The following KCNAB1 variants were observed in gnomAD, a reference collection of about 807,000 sequenced individuals.
KCNAB1 encodes potassium voltage-gated channel subfamily A regulatory beta subunit 1.
A neutral mutation model predicts 64.6 loss-of-function variants in KCNAB1; 35 were observed. That is an observed-to-expected ratio of 0.54 (90% confidence interval 0.41 to 0.72). The LOEUF (loss-of-function observed/expected upper bound fraction) is 0.72. KCNAB1 is among the 30% of genes least tolerant of loss of function. The pLI, the probability that KCNAB1 is intolerant of heterozygous loss-of-function variation, is 0.00. For synonymous variants in KCNAB1, 177 were observed against 183.8 expected, an observed-to-expected ratio of 0.96 and a Z score of 0.30; for missense variants, 401 against 512.9, an observed-to-expected ratio of 0.78 and a Z score of 2.11.
In KCNAB1 at chr3:156,168,692, C is replaced by A. The variant is rs549080728; in HGVS notation, c.275+47806C>A. Reference sequence around the variant, plus strand: ...TTGCTTTTTGTAACATCAACGTGCACATGAAGCTAGTGATGCTGTTGAGAA... The same window carrying A: ...TTGCTTTTTGTAACATCAACGTGCAAATGAAGCTAGTGATGCTGTTGAGAA... On this transcript the variant is annotated intron_variant, in intron 1 of 13. Coordinates refer to ENST00000490337, the MANE Select transcript of KCNAB1 (RefSeq NM_172160.3). Among the ~76,000 whole-genome samples the A allele has an allele frequency of 2.0e-5, 3 of 152,296 alleles. No homozygotes were observed. In the East Asian group the frequency reaches 5.8e-4, roughly 29 times the overall value.
chr3:156,522,598 T>C (rs528884891), intron 11 of KCNAB1, among the ~76,000 whole-genome samples: 10 of 152,318 alleles, frequency 6.6e-5, no homozygotes, highest in African/African-American at 1.9e-4. Flanking sequence ...GAGACAAAAC[T>C]GGGGCGGCTT....
At chr3:156,511,136 C>T (rs913840455) in intron 8 of KCNAB1, among the ~76,000 whole-genome samples, 1 of 152,166 alleles carries the variant, frequency 6.6e-6, no homozygotes, top group Non-Finnish European at 1.5e-5. Flanking sequence ...CGGAGTCTTG[C>T]TCTGTCCCCC....
intron 1 of KCNAB1, among the ~76,000 whole-genome samples, chr3:156,236,784 G>A (rs1716874007): frequency 6.6e-6 from 1 of 152,058 alleles, no homozygotes; most frequent in South Asian, 2.1e-4. Flanking sequence ...CTGGTTGCTG[G>A]CAGAGACCTG....
intron 12 of KCNAB1, among the ~76,000 whole-genome samples, chr3:156,528,187 A>AAAAAGAG (rs59586180): frequency 1.3e-5 from 2 of 151,152 alleles, no homozygotes; most frequent in South Asian, 2.1e-4. Flanking sequence ...AAAAAAAAAA[A>AAAAAGAG]AGAGAGAGAA....
upstream of KCNAB1, among the ~76,000 whole-genome samples, chr3:156,119,050 C>T (rs1434830202): frequency 6.6e-6 from 1 of 152,182 alleles, no homozygotes; most frequent in Non-Finnish European, 1.5e-5. Flanking sequence ...TTGGTGGTTA[C>T]AGTTCTAACC....
intron 1 of KCNAB1, among the ~76,000 whole-genome samples, chr3:156,332,119 C>G (rs1476907942): frequency 1.3e-5 from 2 of 152,124 alleles, no homozygotes; most frequent in African/African-American, 4.8e-5. Context: ...CAAAAATAAA[C>G]TATGAATAGT....
chr3:156,207,200 A>G (rs2108388241), intron 1 of KCNAB1, among the ~76,000 whole-genome samples: 1 of 152,342 alleles, frequency 6.6e-6, no homozygotes, highest in African/African-American at 2.4e-5. Flanking sequence ...GGGAATCCCC[A>G]GCAGGTGGCA....
At chr3:156,341,500 C>T (rs77159226) in intron 1 of KCNAB1, among the ~76,000 whole-genome samples, 15,245 of 152,176 alleles carry the variant, frequency 0.1, 893 homozygotes, top group Middle Eastern at 0.21. Flanking sequence ...TGCTGTCATT[C>T]CCCCCTCTTG....
chr3:156,322,007 T>C (rs1375927), intron 1 of KCNAB1, among the ~76,000 whole-genome samples: 3,089 of 152,276 alleles, frequency 0.02, 37 homozygotes, highest in Non-Finnish European at 0.031. Context: ...GGGAACAAAC[T>C]ATGGTTACTT....
chr3:156,526,942 T>C (rs1718350399), intron 12 of KCNAB1, among the ~76,000 whole-genome samples: 1 of 151,826 alleles, frequency 6.6e-6, no homozygotes, highest in Admixed American at 6.6e-5. Context: ...GATAAAAAGC[T>C]CAAGATAAGG....
chr3:156,193,010 A>T (rs1120745), intron 1 of KCNAB1, among the ~76,000 whole-genome samples: 83,619 of 151,830 alleles, frequency 0.55, 23,959 homozygotes, highest in East Asian at 0.9. Context: ...TAATGTAATT[A>T]TTGATATGGT....
intron 1 of KCNAB1, among the ~76,000 whole-genome samples, chr3:156,267,446 C>G (rs1718785486): frequency 2.0e-5 from 3 of 152,288 alleles, no homozygotes; most frequent in Non-Finnish European, 4.4e-5. Flanking sequence ...ATCCTTGATA[C>G]AACTTTTTCC....
At chr3:156,465,238 A>G (rs987515304) in intron 6 of KCNAB1, among the ~76,000 whole-genome samples, 83 of 152,338 alleles carry the variant, frequency 5.4e-4, no homozygotes, top group African/African-American at 1.8e-3. Context: ...TTCCTTTATC[A>G]GAAAAGCTAA....
At chr3:156,224,642 G>C (rs1716034251) in intron 1 of KCNAB1, among the ~76,000 whole-genome samples, 2 of 152,190 alleles carry the variant, frequency 1.3e-5, no homozygotes, top group South Asian at 4.1e-4. Context: ...ACAGAAAGCT[G>C]ATTCTTTGAA....
intron 1 of KCNAB1, among the ~76,000 whole-genome samples, chr3:156,319,529 A>G (rs1722516224): frequency 6.6e-6 from 1 of 152,200 alleles, no homozygotes; most frequent in Non-Finnish European, 1.5e-5. Context: ...TAAGAAGGGC[A>G]GGGAAGTACA....
At chr3:156,475,149 A>G (rs1446767938) in intron 8 of KCNAB1, among the ~76,000 whole-genome samples, 3 of 152,352 alleles carry the variant, frequency 2.0e-5, no homozygotes, top group African/African-American at 4.8e-5. Context: ...TAACTCAGCC[A>G]TCATCGCGTC....
At chr3:156,522,738 C>G (rs1211500214) in intron 11 of KCNAB1, among the ~76,000 whole-genome samples, 4 of 152,332 alleles carry the variant, frequency 2.6e-5, no homozygotes, top group African/African-American at 9.6e-5. Context: ...AGCCAGCAGC[C>G]TATTGAAATC....
chr3:156,327,511 T>C (rs1257193086), intron 1 of KCNAB1, among the ~76,000 whole-genome samples: 2 of 152,198 alleles, frequency 1.3e-5, no homozygotes, highest in Admixed American at 6.5e-5. Context: ...CCATATATAA[T>C]GTGTACTGTG....
chr3:156,420,379 G>T (rs1299881963), intron 1 of KCNAB1, among the ~76,000 whole-genome samples: 4 of 152,200 alleles, frequency 2.6e-5, no homozygotes, highest in African/African-American at 9.7e-5. Context: ...GCATTTTTAT[G>T]CATTTTTTAT....
Sources: allele counts gnomAD v4.1 joint callset (sites outside exome capture counted in the v4.1 genomes callset), GRCh38; gene constraint gnomAD v4.1.1; transcripts MANE v1.5; gene names NCBI Gene and HGNC (gene_info 2026-07-23, HGNC 2026-07-21).